The following RGS20 variants were observed in gnomAD, a reference collection of about 807,000 sequenced individuals.
RGS20 encodes the protein regulator of G protein signaling 20.
In RGS20, 30 loss-of-function variants were observed where a neutral mutation model predicts 33.6. That is an observed-to-expected ratio of 0.89 (90% confidence interval 0.67 to 1.21). The LOEUF (loss-of-function observed/expected upper bound fraction) is 1.21. Among genes scored for constraint, RGS20 ranks in the 50% most tolerant of loss-of-function variants. The pLI is 0.00. For missense variants in RGS20, 472 were observed against 502.4 expected (o/e 0.94, Z 0.58); for synonymous variants, 208 against 197.9 (o/e 1.05, Z -0.43).
At chr8:53,891,963 A>G (rs1812721801) in intron 2 of RGS20, among the ~76,000 whole-genome samples, 1 of 151,992 alleles carries the variant, frequency 6.6e-6, no homozygotes, top group Non-Finnish European at 1.5e-5. Flanking sequence ...ATATGTATAC[A>G]TGTGCCATGC....
intron 2 of RGS20, among the ~76,000 whole-genome samples, chr8:53,892,609 A>G (rs992130795): frequency 2.0e-5 from 3 of 152,182 alleles, no homozygotes; most frequent in Non-Finnish European, 4.4e-5. Context: ...TTTGACTTTG[A>G]TCATTAGTTT....
intron 2 of RGS20, among the ~76,000 whole-genome samples, chr8:53,885,788 CTCTT>C (rs1371281436): frequency 3.1e-5 from 4 of 130,636 alleles, no homozygotes; most frequent in Non-Finnish European, 6.1e-5. Context: ...GAGTATCTTA[CTCTT>C]TTTTTTTTTT....
intron 2 of RGS20, among the ~76,000 whole-genome samples, chr8:53,908,424 G>A (rs1813243565): frequency 6.6e-6 from 1 of 152,128 alleles, no homozygotes; most frequent in South Asian, 2.1e-4. Flanking sequence ...TTGATTACTT[G>A]AGCCCAGGAG....
intron 2 of RGS20, among the ~76,000 whole-genome samples, chr8:53,922,427 A>G (rs561533914): frequency 8.5e-4 from 130 of 152,266 alleles, no homozygotes; most frequent in African/African-American, 2.9e-3. Flanking sequence ...GACAGCATAT[A>G]GTTGGATTAT....
chr8:53,939,835 A>C lies in RGS20; in HGVS notation c.659+111A>C, dbSNP rs370711102. ...GTGGCAGCTTATGGTTAATTCAATA[A>C]GTGTTTTTTAAGCAACTACTATATG... On this transcript the variant is annotated intron_variant, in intron 3 of 5. Coordinates refer to ENST00000297313, the MANE Select transcript of RGS20 (RefSeq NM_170587.4). The C allele has an allele frequency of 3.2e-5, 42 of 1,319,364 alleles. No homozygotes were observed. The East Asian group carries it at 6.5e-4, about 21-fold the overall frequency. 81.7% of individuals were successfully genotyped at this position (1,319,364 alleles called of 1,614,324 possible).
intron 2 of RGS20, among the ~76,000 whole-genome samples, chr8:53,925,932 AAAAGTAGGCCGGGCTC>A (rs1345906326): frequency 6.6e-6 from 1 of 151,422 alleles, no homozygotes; most frequent in Non-Finnish European, 1.5e-5. Flanking sequence ...TTATTAAAGC[AAAAGTAGGCCGGGCTC>A]AGTGGCTCAC....
intron 1 of RGS20, among the ~76,000 whole-genome samples, chr8:53,878,945 T>C (rs1190784282): frequency 1.3e-5 from 2 of 152,132 alleles, no homozygotes; most frequent in Admixed American, 6.5e-5. Flanking sequence ...GCGCGCATGG[T>C]AGTCCCCTGG....
chr8:53,862,611 A>G (rs1475720927), intron 1 of RGS20, among the ~76,000 whole-genome samples: 1 of 152,188 alleles, frequency 6.6e-6, no homozygotes, highest in Non-Finnish European at 1.5e-5. Context: ...CAGCCTGGAC[A>G]ACAAAGAGAG....
chr8:53,883,967 T>A (rs1481109807), intron 2 of RGS20, among the ~76,000 whole-genome samples: 1 of 151,550 alleles, frequency 6.6e-6, no homozygotes, highest in Non-Finnish European at 1.5e-5. Context: ...AAAGAGTATC[T>A]ACCTAATGTG....
intron 1 of RGS20, among the ~76,000 whole-genome samples, chr8:53,852,297 T>C (rs977355100): frequency 6.6e-6 from 1 of 152,250 alleles, no homozygotes; most frequent in Admixed American, 6.5e-5. Flanking sequence ...AATTATTATG[T>C]ATTGCTTTTT....
intron 2 of RGS20, among the ~76,000 whole-genome samples, chr8:53,910,277 C>CA (rs34445959): frequency 1.3e-5 from 2 of 151,294 alleles, no homozygotes; most frequent in East Asian, 3.9e-4. Context: ...GGCTATGGGC[C>CA]AAAAAAAATT....
chr8:53,879,726 C>T, intron 2 of RGS20: 2 of 816,368 alleles, frequency 2.4e-6, no homozygotes, highest in Non-Finnish European at 3.6e-6. Flanking sequence ...GTGGCAAGGT[C>T]GGGAAGGCCG....
At chr8:53,881,606 A>G (rs1254426062) in intron 2 of RGS20, among the ~76,000 whole-genome samples, 1 of 152,016 alleles carries the variant, frequency 6.6e-6, no homozygotes, top group Non-Finnish European at 1.5e-5. Flanking sequence ...GGAGAAGTGC[A>G]ACCAGGGCAG....
At chr8:53,949,000 ATATT>A (rs1346366032) in intron 4 of RGS20, among the ~76,000 whole-genome samples, 1 of 94,136 alleles carries the variant, frequency 1.1e-5, no homozygotes, top group Admixed American at 1.2e-4. Flanking sequence ...GATACAGTAT[ATATT>A]TATATATGCT....
At chr8:53,933,573 A>T (rs1814038613) in intron 2 of RGS20, 1 of 152,246 alleles carries the variant, frequency 6.6e-6, no homozygotes, top group Non-Finnish European at 1.5e-5. Flanking sequence ...ATGAATGAAA[A>T]GGAATGAACA....
intron 2 of RGS20, among the ~76,000 whole-genome samples, chr8:53,891,706 A>C (rs1034403266): frequency 6.6e-6 from 1 of 152,040 alleles, no homozygotes; most frequent in Admixed American, 6.6e-5. Context: ...CTTTTATATC[A>C]TTTGTTTCCA....
intron 3 of RGS20, chr8:53,945,408 G>A (rs1195881844): frequency 6.6e-6 from 1 of 152,190 alleles, no homozygotes; most frequent in African/African-American, 2.4e-5. Flanking sequence ...GAGACAGGAA[G>A]CGGATTCGTG....
intron 2 of RGS20, among the ~76,000 whole-genome samples, chr8:53,883,946 CAA>C (rs75283566): frequency 4.9e-5 from 6 of 122,846 alleles, no homozygotes; most frequent in Non-Finnish European, 5.4e-5. Context: ...AACTCCGTCT[CAA>C]AAAAAAAAAA....
At chr8:53,939,405 C>T (rs1431535243) in intron 2 of RGS20, among the ~76,000 whole-genome samples, 171 bp from the exon 2 acceptor site, 1 of 152,200 alleles carries the variant, frequency 6.6e-6, no homozygotes, top group East Asian at 1.9e-4. Context: ...ATGTTGGATA[C>T]ATTAATTGAT....
Sources: gnomAD v4.1 joint callset for allele counts (sites outside exome capture counted in the v4.1 genomes callset) on GRCh38, gnomAD v4.1.1 for gene constraint, MANE v1.5 for transcripts, NCBI Gene and HGNC (gene_info 2026-07-23, HGNC 2026-07-21) for gene names.